ABLIM1: variants seen among roughly 807,000 people sequenced by gnomAD.
The protein encoded by ABLIM1 is actin binding LIM protein 1.
A neutral mutation model predicts 107.0 loss-of-function variants in ABLIM1; 40 were observed. The ratio of observed to expected loss-of-function variants is 0.37; its 90% CI spans 0.29 to 0.49. The LOEUF is 0.49. Among genes scored for constraint, ABLIM1 ranks in the 20% least tolerant of loss-of-function variants. The pLI is 0.97. For missense variants in ABLIM1, 857 were observed against 1,008.5 expected (o/e 0.85, Z 2.04); for synonymous variants, 357 against 357.3 (o/e 1.00, Z 0.01).
At chr10:114,633,358 G>C (rs1243150842) in intron 1 of ABLIM1, among the ~76,000 whole-genome samples, 1 of 152,106 alleles carries the variant, frequency 6.6e-6, no homozygotes, top group African/African-American at 2.4e-5. Flanking sequence ...TCTTGGGCAG[G>C]TCTTCATTGC....
At chr10:114,463,532 T>TAA (rs147705117) in intron 12 of ABLIM1, among the ~76,000 whole-genome samples, 1 of 151,142 alleles carries the variant, frequency 6.6e-6, no homozygotes, top group African/African-American at 2.4e-5. Context: ...AAATGCTTAT[T>TAA]AAAAAAAATG....
chr10:114,493,490 G>A (rs1253589663), intron 6 of ABLIM1, among the ~76,000 whole-genome samples: 1 of 152,086 alleles, frequency 6.6e-6, no homozygotes, highest in Non-Finnish European at 1.5e-5. Flanking sequence ...CAAGACAAAG[G>A]TGTACACTTT....
intron 12 of ABLIM1, among the ~76,000 whole-genome samples, chr10:114,461,664 C>A (rs2063942928): frequency 6.6e-6 from 1 of 151,674 alleles, no homozygotes; most frequent in Admixed American, 6.6e-5. Context: ...ACCAGAAACA[C>A]AAAAATTAGC....
chr10:114,761,935 C>T (rs1196557675), intron 1 of ABLIM1, among the ~76,000 whole-genome samples: 1 of 152,136 alleles, frequency 6.6e-6, no homozygotes, highest in Non-Finnish European at 1.5e-5. Context: ...CCACAGCTAA[C>T]TCAATGCCAC....
intron 1 of ABLIM1, among the ~76,000 whole-genome samples, chr10:114,664,262 A>T (rs2079915645): frequency 6.6e-6 from 1 of 152,184 alleles, no homozygotes; most frequent in Non-Finnish European, 1.5e-5. Flanking sequence ...TGAGACTGTG[A>T]GCTAACTAAA....
At position 114,702,018 on chromosome 10, in the gene ABLIM1, T is replaced by C. The variant is rs59073746; in HGVS notation, c.-213+66043A>G. 4.3e-4 allele frequency among the ~76,000 whole-genome samples: 66 copies of C among 152,324 alleles called. 1 individual carries two copies. The East Asian group carries it at 0.012, about 27-fold the overall frequency. On this transcript the variant is annotated intron_variant, in intron 1 of 15. Transcript: ENST00000651092. The stretch of plus-strand genomic sequence containing the variant: ...TATACTATTTTTTTATTGTTTATCA[T>C]AGAAATATTCAAACATATGCAAAGT...
At chr10:114,692,129 T>C (rs921593824) in intron 1 of ABLIM1, among the ~76,000 whole-genome samples, 1 of 152,230 alleles carries the variant, frequency 6.6e-6, no homozygotes, top group African/African-American at 2.4e-5. Flanking sequence ...TTGACTTCAA[T>C]TCAGCTCTCC....
chr10:114,519,126 G>A (rs1158765309), intron 6 of ABLIM1, among the ~76,000 whole-genome samples: 1 of 152,180 alleles, frequency 6.6e-6, no homozygotes, highest in Non-Finnish European at 1.5e-5. Context: ...TCAAGAGGCA[G>A]CCTGGGGGAG....
chr10:114,585,512 C>T (rs1283251973), intron 2 of ABLIM1, among the ~76,000 whole-genome samples: 8 of 152,164 alleles, frequency 5.3e-5, no homozygotes, highest in African/African-American at 1.4e-4. Flanking sequence ...CTCCCCTGCC[C>T]GATCTCCCCT....
intron 1 of ABLIM1, among the ~76,000 whole-genome samples, chr10:114,624,526 C>G (rs960519590): frequency 6.6e-6 from 1 of 152,200 alleles, no homozygotes; most frequent in Non-Finnish European, 1.5e-5. Context: ...AGCAATACCA[C>G]CTCCAAAGTC....
intron 6 of ABLIM1, among the ~76,000 whole-genome samples, chr10:114,503,919 TGATGGAGAGACATG>T (rs1666338091): frequency 1.3e-5 from 2 of 152,202 alleles, no homozygotes; most frequent in South Asian, 2.1e-4. Context: ...TCCTTTGAAC[TGATGGAGAGACATG>T]GATGGCATGC....
At chr10:114,791,309 C>CT in the ABLIM1 span, among the ~76,000 whole-genome samples, 4 of 152,186 alleles carry the variant, frequency 2.6e-5, no homozygotes, top group African/African-American at 9.7e-5. Context: ...GGCTCATCGT[C>CT]TGCTTTTAAA....
chr10:114,436,449 A>G, intron 22 of ABLIM1, 76 bp from the exon 23 acceptor site: 1 of 1,081,698 alleles, frequency 9.2e-7, no homozygotes, highest in African/African-American at 1.6e-5. Flanking sequence ...GTTGCTCTAT[A>G]GTTTATACAG....
At chr10:114,600,699 C>G (rs1423913748) in intron 2 of ABLIM1, among the ~76,000 whole-genome samples, 1 of 152,142 alleles carries the variant, frequency 6.6e-6, no homozygotes, top group Non-Finnish European at 1.5e-5. Context: ...GGTCCTTACC[C>G]CGTGCAGGGC....
chr10:114,795,381 C>T, the ABLIM1 span, among the ~76,000 whole-genome samples: 1 of 152,160 alleles, frequency 6.6e-6, no homozygotes, highest in Non-Finnish European at 1.5e-5. Flanking sequence ...CTATGCCATC[C>T]TTGTCAAGTG....
intron 1 of ABLIM1, among the ~76,000 whole-genome samples, chr10:114,698,129 C>T (rs1314685782): frequency 6.6e-6 from 1 of 151,788 alleles, no homozygotes; most frequent in African/African-American, 2.4e-5. Flanking sequence ...AAGATGAATA[C>T]ACAAACACAT....
At chr10:114,696,466 T>C (rs1051410304) in intron 1 of ABLIM1, among the ~76,000 whole-genome samples, 2 of 152,170 alleles carry the variant, frequency 1.3e-5, no homozygotes, top group South Asian at 2.1e-4. Flanking sequence ...CACCATTTGA[T>C]ATGGTTTGGC....
intron 1 of ABLIM1, among the ~76,000 whole-genome samples, chr10:114,701,568 A>G (rs1162185188): frequency 3.3e-5 from 5 of 152,220 alleles, no homozygotes; most frequent in Admixed American, 1.3e-4. Flanking sequence ...ATATAATGGA[A>G]TATTACTCAG....
At chr10:114,761,414 C>T (rs1312858246) in intron 1 of ABLIM1, among the ~76,000 whole-genome samples, 1 of 152,192 alleles carries the variant, frequency 6.6e-6, no homozygotes, top group Non-Finnish European at 1.5e-5. Flanking sequence ...CTCTCTGCCC[C>T]AGCTTGCTAC....
Sources: allele counts gnomAD v4.1 joint callset (sites outside exome capture counted in the v4.1 genomes callset), GRCh38; gene constraint gnomAD v4.1.1; transcripts MANE v1.5; gene names NCBI Gene and HGNC (gene_info 2026-07-23, HGNC 2026-07-21).